Variants in ADD1 observed in about 807,000 individuals in gnomAD.
ADD1 encodes the protein alpha-adducin.
In ADD1, 24 loss-of-function variants were observed where a neutral mutation model predicts 80.5. The ratio of observed to expected loss-of-function variants is 0.30; its 90% confidence interval spans 0.22 to 0.42. The LOEUF (loss-of-function observed/expected upper bound fraction) is 0.42, where lower values mean the gene tolerates loss of function less well. Among genes scored for constraint, ADD1 ranks in the 10% least tolerant of loss-of-function variants. The probability of loss-of-function intolerance (pLI) is 1.00; values close to 1 mark genes in which losing one functional copy is unlikely to be tolerated. For synonymous variants in ADD1, 373 were observed against 393.8 expected (o/e 0.95, Z 0.63); for missense variants, 948 against 1,019.0 (o/e 0.93, Z 0.95).
intron 1 of ADD1, among the ~76,000 whole-genome samples, chr4:2,846,602 G>C (rs1477235047): frequency 6.6e-6 from 1 of 152,062 alleles, no homozygotes; most frequent in African/African-American, 2.4e-5. Flanking sequence ...ACAGAAAAGG[G>C]AGGATAAATG....
chr4:2,912,738 G>A (rs1178887991), intron 13 of ADD1, among the ~76,000 whole-genome samples: 1 of 152,034 alleles, frequency 6.6e-6, no homozygotes, highest in Non-Finnish European at 1.5e-5. Flanking sequence ...TGTTGCCCAG[G>A]CTGGTCTCGA....
At chr4:2,855,762 G>A (rs566637390) in intron 1 of ADD1, among the ~76,000 whole-genome samples, 53 of 148,798 alleles carry the variant, frequency 3.6e-4, no homozygotes, top group African/African-American at 1.3e-3. Flanking sequence ...GTGCAGTGGC[G>A]CGATCACAGC....
Position 2,859,531 on chromosome 4 carries a change from A to C in ADD1, c.-21+15507A>C, listed in dbSNP as rs534861261. ...TAAGCATATAAAAAAATTCATGCTC[A>C]CATACTGAGAGAGATGCCAAATAAA... On this transcript the variant is annotated intron_variant, in intron 1 of 15. Transcript: ENST00000683351. Among the ~76,000 whole-genome samples the C allele has an allele frequency of 9.2e-5, 14 of 152,366 alleles. No homozygotes were observed. In the South Asian group the frequency reaches 2.1e-3, roughly 23 times the overall value.
intron 1 of ADD1, among the ~76,000 whole-genome samples, chr4:2,870,928 A>G (rs527444770): frequency 1.6e-5 from 2 of 128,760 alleles, no homozygotes; most frequent in Non-Finnish European, 3.3e-5. Flanking sequence ...AATAGAAACT[A>G]TGCTGCATGC....
chr4:2,888,950 CAA>C (rs918089056), intron 4 of ADD1, among the ~76,000 whole-genome samples: 5 of 151,624 alleles, frequency 3.3e-5, no homozygotes, highest in African/African-American at 4.9e-5. Flanking sequence ...GAGAGAGAGA[CAA>C]AAGAGAAATG....
At position 2,926,738 on chromosome 4, in the gene ADD1, CTT is replaced by C; in HGVS notation, c.2047+628_2047+629del. 1 of 1,525,740 alleles carries C rather than the reference CTT, an allele frequency of 6.6e-7. No homozygotes were observed. 94.5% of individuals were successfully genotyped at this position (1,525,740 alleles called of 1,614,324 possible). A position where few individuals can be genotyped will look rare whatever the true frequency, so the allele number is the denominator to read the frequency against. On this transcript the variant is annotated intron_variant, in intron 15 of 15. Transcript: ENST00000683351. This position sits in a 1 kb window ranked among gnomAD's most constrained non-coding sequence, Gnocchi z 5.0. The stretch of plus-strand genomic sequence containing the variant: ...TGCGCTTTGCCTCATTCTCCTGCTT[CTT>C]TGTTGTTTATTAAGTTTTGTTTTCT...
rs544763783 is a variant in ADD1 at position 2,871,347 on chromosome 4, C to T, written c.-20-4549C>T. ...CATACCATTGTATAAAGCAGCAGAA[C>T]TGAAGGGGAAATATGATTGTTAAAC... On this transcript the variant is annotated intron_variant, in intron 1 of 15. Coordinates refer to ENST00000683351, the MANE Select transcript of ADD1 (RefSeq NM_001354761.2). Among the ~76,000 whole-genome samples the T allele has an allele frequency of 4.6e-5, 7 of 152,246 alleles. No homozygotes were observed. In the South Asian group the frequency reaches 1.2e-3, roughly 27 times the overall value.
intron 1 of ADD1, among the ~76,000 whole-genome samples, chr4:2,851,077 T>C (rs1727005891): frequency 6.6e-6 from 1 of 152,204 alleles, no homozygotes; most frequent in South Asian, 2.1e-4. Context: ...AGAGACAGTC[T>C]TGCTCTATTG....
Position 2,928,327 on chromosome 4 carries a change from C to A in ADD1, c.2204C>A (p.Ala735Asp). The A allele has an allele frequency of 6.2e-7, 1 of 1,613,988 alleles. No individual in the cohort carries two copies. The highest frequency in any genetic ancestry group is 2.2e-5 in the East Asian group (1 of 44,860). Reference sequence around the variant, plus strand: ...CATAGACCCCCAAGCCCCACTGAGGCCCCTACTGAGGCCAGCCCCGAGCCA... The same window carrying A: ...CATAGACCCCCAAGCCCCACTGAGGACCCTACTGAGGCCAGCCCCGAGCCA... ...EAHRPPSPTEAPTEASPEPAP... is the reference protein window; with the variant it reads ...EAHRPPSPTEDPTEASPEPAP... Residue 735 changes from alanine (A) to aspartate (D), a missense_variant, in exon 16 of 16, where the codon GCC (alanine) becomes GAC (aspartate). By Grantham distance (126) the Ala-to-Asp change is moderately radical. Coordinates refer to ENST00000683351, the MANE Select transcript of ADD1 (RefSeq NM_001354761.2).
intron 9 of ADD1, chr4:2,901,767 C>G (rs1577643353): frequency 6.6e-6 from 1 of 151,856 alleles, no homozygotes; most frequent in South Asian, 2.1e-4. Context: ...CGAGATTCCT[C>G]TCCACAAAAA....
chr4:2,885,884 A>C (rs1018899422), intron 4 of ADD1, among the ~76,000 whole-genome samples: 10 of 152,126 alleles, frequency 6.6e-5, no homozygotes, highest in African/African-American at 9.7e-5. Context: ...TGCTGGGATT[A>C]CAGGCGTGAG....
intron 1 of ADD1, among the ~76,000 whole-genome samples, chr4:2,871,646 G>A (rs1730476339): frequency 1.3e-5 from 2 of 152,264 alleles, no homozygotes; most frequent in African/African-American, 4.8e-5. Flanking sequence ...AGACAGCACG[G>A]TGTGATGAGT....
chr4:2,908,440 T>A (rs1737429757), intron 11 of ADD1, 75 bp from the exon 12 acceptor site: 2 of 1,344,188 alleles, frequency 1.5e-6, no homozygotes, highest in Non-Finnish European at 2.1e-6. Flanking sequence ...GGGGCCCAAG[T>A]GCACAAGCAG....
chr4:2,864,436 C>A (rs1246232564), intron 1 of ADD1, among the ~76,000 whole-genome samples: 1 of 151,982 alleles, frequency 6.6e-6, no homozygotes, highest in East Asian at 1.9e-4. Flanking sequence ...CAAAACAAAA[C>A]AAAAAACAGG....
chr4:2,849,540 C>T (rs1161296479), intron 1 of ADD1, among the ~76,000 whole-genome samples: 2 of 152,186 alleles, frequency 1.3e-5, no homozygotes, highest in South Asian at 4.1e-4. Context: ...TGTGCCTCTG[C>T]AGCCTGGAAT....
chr4:2,903,026 A>C (rs1188704174), intron 9 of ADD1: 1 of 148,164 alleles, frequency 6.7e-6, no homozygotes, highest in South Asian at 2.1e-4. Context: ...ACTCTGTCTC[A>C]AAAAAAAAAA....
At chr4:2,924,226 A>G (rs1740581533) in intron 14 of ADD1, among the ~76,000 whole-genome samples, 1 of 152,216 alleles carries the variant, frequency 6.6e-6, no homozygotes, top group African/African-American at 2.4e-5. Context: ...ACCCTCACGG[A>G]GCAGGTGGTT....
At chr4:2,918,608 G>A (rs1194572668) in intron 14 of ADD1, among the ~76,000 whole-genome samples, 1 of 152,158 alleles carries the variant, frequency 6.6e-6, no homozygotes, top group Non-Finnish European at 1.5e-5. Context: ...CAAAGGGAAT[G>A]CTTCCAGCCT....
At chr4:2,852,166 C>CTT (rs1259809076) in intron 1 of ADD1, among the ~76,000 whole-genome samples, 1 of 74,650 alleles carries the variant, frequency 1.3e-5, no homozygotes, top group African/African-American at 5.8e-5. Flanking sequence ...TTCTTTCTTT[C>CTT]TTTCTTTCTT....
Sources: gnomAD v4.1 joint callset for allele counts (sites outside exome capture counted in the v4.1 genomes callset) on GRCh38, gnomAD v4.1.1 for gene constraint, Gnocchi (gnomAD v3.1) non-coding constraint, MANE v1.5 for transcripts, NCBI Gene and HGNC (gene_info 2026-07-23, HGNC 2026-07-21) for gene names.